The following PRKCE variants were observed in gnomAD, a reference collection of about 807,000 sequenced individuals.
The protein encoded by PRKCE is protein kinase C epsilon, also known as protein kinase C epsilon type.
Under a neutral mutation model 85.4 loss-of-function variants are expected in PRKCE, and 16 were observed. The observed-to-expected ratio is 0.19, with a 90% CI of 0.13 to 0.28. The LOEUF is 0.28. PRKCE is among the 10% of genes least tolerant of loss of function. The probability of loss-of-function intolerance (pLI) is 1.00; values close to 1 mark genes in which losing one functional copy is unlikely to be tolerated. For synonymous variants in PRKCE, 388 were observed against 371.5 expected (o/e 1.04, Z -0.51); for missense variants, 573 against 975.2 (o/e 0.59, Z 5.49).
chr2:46,147,842 C>T (rs778530491), intron 12 of PRKCE, among the ~76,000 whole-genome samples: 2 of 152,192 alleles, frequency 1.3e-5, no homozygotes, highest in Non-Finnish European at 2.9e-5. Context: ...GATTTGACCA[C>T]AAATGTACAC....
At chr2:45,797,436 C>A (rs564592123) in intron 1 of PRKCE, among the ~76,000 whole-genome samples, 1 of 152,232 alleles carries the variant, frequency 6.6e-6, no homozygotes, top group Non-Finnish European at 1.5e-5. Context: ...TTCCATGGTG[C>A]ACCACATACC....
At chr2:45,899,869 CTT>C (rs1049702425) in intron 2 of PRKCE, among the ~76,000 whole-genome samples, 1 of 152,192 alleles carries the variant, frequency 6.6e-6, no homozygotes, top group South Asian at 2.1e-4. Flanking sequence ...AATTGTGTCT[CTT>C]TTCATTTCTT....
chr2:45,875,144 C>G (rs569982308), intron 2 of PRKCE, among the ~76,000 whole-genome samples: 2 of 152,230 alleles, frequency 1.3e-5, no homozygotes, highest in African/African-American at 2.4e-5. Flanking sequence ...TGAGTGACCC[C>G]TTTTAGGCAG....
chr2:45,967,306 C>T (rs1460583150), intron 2 of PRKCE, among the ~76,000 whole-genome samples: 2 of 152,220 alleles, frequency 1.3e-5, no homozygotes, highest in African/African-American at 4.8e-5. Flanking sequence ...CAATCACCAT[C>T]TGAACCCATC....
At chr2:45,742,883 A>C (rs1424716552) in intron 1 of PRKCE, among the ~76,000 whole-genome samples, 1 of 152,256 alleles carries the variant, frequency 6.6e-6, no homozygotes, top group Non-Finnish European at 1.5e-5. Flanking sequence ...ATATGGAAAC[A>C]ACCTAAGTGT....
chr2:45,953,920 G>A (rs1003757888), intron 2 of PRKCE, among the ~76,000 whole-genome samples: 1 of 152,142 alleles, frequency 6.6e-6, no homozygotes, highest in African/African-American at 2.4e-5. Context: ...AAAGCACAGA[G>A]GAAGTCAAAT....
chr2:45,708,074 C>T (rs140142268), intron 1 of PRKCE, among the ~76,000 whole-genome samples: 2 of 152,348 alleles, frequency 1.3e-5, no homozygotes, highest in Admixed American at 6.5e-5. Flanking sequence ...TTCCTGCCTT[C>T]GGTGAGCTCC....
chr2:45,967,639 A>G (rs1053501788), intron 2 of PRKCE, among the ~76,000 whole-genome samples: 1 of 152,204 alleles, frequency 6.6e-6, no homozygotes, highest in African/African-American at 2.4e-5. Context: ...AGAAAATCAG[A>G]TTAATGAAGG....
At chr2:46,063,699 G>T (rs1331142555) in intron 10 of PRKCE, among the ~76,000 whole-genome samples, 1 of 152,166 alleles carries the variant, frequency 6.6e-6, no homozygotes, top group African/African-American at 2.4e-5. Context: ...GCAAGGGGCA[G>T]GAAAAGATTT....
chr2:45,668,280 G>A (rs1322322757), intron 1 of PRKCE, among the ~76,000 whole-genome samples: 1 of 152,198 alleles, frequency 6.6e-6, no homozygotes, highest in Non-Finnish European at 1.5e-5. Flanking sequence ...GGTGGAAGCT[G>A]CAGTGACTGA....
At chr2:45,869,593 G>A (rs1693909567) in intron 2 of PRKCE, among the ~76,000 whole-genome samples, 1 of 152,090 alleles carries the variant, frequency 6.6e-6, no homozygotes, top group Admixed American at 6.5e-5. Flanking sequence ...GCATAGAGAG[G>A]TTGAGCTCAC....
At chr2:46,107,609 G>A (rs1426885455) in intron 11 of PRKCE, among the ~76,000 whole-genome samples, 2 of 152,226 alleles carry the variant, frequency 1.3e-5, no homozygotes, top group Non-Finnish European at 2.9e-5. Context: ...GGAAGACTGT[G>A]CTTAGCTTGG....
chr2:46,108,923 T>G (rs1445257012), intron 11 of PRKCE, among the ~76,000 whole-genome samples: 3 of 151,784 alleles, frequency 2.0e-5, no homozygotes, highest in Non-Finnish European at 4.4e-5. Context: ...AATATTGATG[T>G]CCAGTTGTTC....
At chr2:45,764,819 A>T (rs187535220) in intron 1 of PRKCE, among the ~76,000 whole-genome samples, 86 of 152,326 alleles carry the variant, frequency 5.6e-4, no homozygotes, top group Middle Eastern at 3.4e-3. Context: ...CTATATATAT[A>T]TTTTAAACCC....
chr2:45,678,830 A>G (rs1216649145), intron 1 of PRKCE, among the ~76,000 whole-genome samples: 2 of 152,222 alleles, frequency 1.3e-5, no homozygotes, highest in African/African-American at 4.8e-5. Context: ...AAGCAAGTAT[A>G]ATGAAGAGAT....
At chr2:45,840,345 C>T (rs952028674) in intron 1 of PRKCE, 1 of 152,188 alleles carries the variant, frequency 6.6e-6, no homozygotes, top group African/African-American at 2.4e-5. Flanking sequence ...TCAGCAGAGC[C>T]GACTGTTGGT....
chr2:45,654,391 G>A (rs929483414), intron 1 of PRKCE, among the ~76,000 whole-genome samples: 29 of 152,220 alleles, frequency 1.9e-4, no homozygotes, highest in African/African-American at 7.0e-4. Flanking sequence ...TTGGCCCTAG[G>A]CCAGATCATC....
intron 2 of PRKCE, among the ~76,000 whole-genome samples, chr2:45,884,166 T>A (rs1695075828): frequency 6.6e-6 from 1 of 152,178 alleles, no homozygotes; most frequent in Non-Finnish European, 1.5e-5. Flanking sequence ...GAGGGGAAAG[T>A]CTGGAGAGGC....
chr2:45,750,943 A>G (rs1268895131), intron 1 of PRKCE, among the ~76,000 whole-genome samples: 1 of 151,776 alleles, frequency 6.6e-6, no homozygotes, highest in Non-Finnish European at 1.5e-5. Flanking sequence ...ACTATCACGC[A>G]CTCTTCATCT....
Sources: allele counts gnomAD v4.1 joint callset (sites outside exome capture counted in the v4.1 genomes callset), GRCh38; gene constraint gnomAD v4.1.1; transcripts MANE v1.5; gene names NCBI Gene and HGNC (gene_info 2026-07-23, HGNC 2026-07-21).